The following PKD1L3 variants were observed in gnomAD, a reference collection of about 807,000 sequenced individuals.
PKD1L3 encodes polycystin-1-like protein 3.
A neutral mutation model predicts 184.1 loss-of-function variants in PKD1L3; 239 were observed. The observed-to-expected ratio is 1.30, with a 90% CI of 1.17 to 1.45. The LOEUF (loss-of-function observed/expected upper bound fraction) is 1.45, where lower values mean the gene tolerates loss of function less well. Ranked by LOEUF, PKD1L3 falls within the 40% of genes most tolerant of loss-of-function variation. The pLI is 0.00. For missense variants in PKD1L3, 2,660 were observed against 2,067.2 expected (o/e 1.29, Z -5.56); for synonymous variants, 996 against 778.8 (o/e 1.28, Z -4.64).
chr16:71,951,612 A>G lies in PKD1L3; in HGVS notation c.3142T>C (p.Leu1048=), dbSNP rs914489801. The G allele has an allele frequency of 1.5e-5, 23 of 1,551,864 alleles. No individual in the cohort carries two copies. The African/African-American group carries it at 3.0e-4, about 20-fold the overall frequency. The change falls in exon 19 of 30, where the codon TTG becomes CTG. Residue 1048 remains leucine (L), a synonymous_variant. Coordinates refer to ENST00000620267, the MANE Select transcript of PKD1L3 (RefSeq NM_181536.2). ...KLLSSLVSSH[L]EGQGCHQQGE... is the part of the protein sequence containing the mutation. The stretch of plus-strand genomic sequence containing the variant: ...TGCTGATGACAGCCTTGACCCTCCA[A>G]GTGAGATGATACGAGGCTGGATAAA...
chr16:71,969,492 A>G (rs1303073212), intron 13 of PKD1L3, among the ~76,000 whole-genome samples: 1 of 44,466 alleles, frequency 2.2e-5, no homozygotes, highest in Non-Finnish European at 4.4e-5. Context: ...TTTTTTTTTT[A>G]GTAGAGACAA....
rs1417631255 is a variant in PKD1L3 at position 71,973,533 on chromosome 16, AGTGCTTACT to A, written c.1760-25_1760-17del. On this transcript the variant is annotated splice_polypyrimidine_tract_variant and intron_variant, in intron 11 of 29. Coordinates refer to ENST00000620267, the MANE Select transcript of PKD1L3 (RefSeq NM_181536.2). ...TACTCCTCATCTTAGAACAAAGAAG[AGTGCTTACT>A]TGTATATCAAATGGAACAAAAACAC... The A allele has an allele frequency of 1.3e-5, 20 of 1,544,054 alleles. No homozygotes were observed. In the African/African-American group the frequency reaches 2.1e-4, roughly 16 times the overall value.
intron 15 of PKD1L3, 126 bp downstream of exon 15, chr16:71,967,011 T>C: frequency 9.0e-7 from 1 of 1,111,180 alleles, no homozygotes. Context: ...GCTTTGAAAC[T>C]GAAATCTAAT....
intron 23 of PKD1L3, 142 bp downstream of exon 23, chr16:71,943,888 A>G: frequency 9.8e-7 from 1 of 1,020,932 alleles, no homozygotes; most frequent in East Asian, 2.6e-5. Flanking sequence ...CACCTGCTTT[A>G]CTGGAATCCC....
intron 12 of PKD1L3, 40 bp downstream of exon 12, chr16:71,973,284 A>G: frequency 6.5e-7 from 1 of 1,537,968 alleles, no homozygotes. Context: ...AACAGTAGCT[A>G]TGGCAGAAGA....
At chr16:71,992,691 A>G (rs928124831) in intron 3 of PKD1L3, among the ~76,000 whole-genome samples, 3 of 152,218 alleles carry the variant, frequency 2.0e-5, no homozygotes, top group Non-Finnish European at 4.4e-5. Context: ...TTGCTAAGTG[A>G]TATTTAAAGG....
rs746574704 is a variant in PKD1L3 at position 71,952,885 on chromosome 16, C to T, written c.3009+9G>A. ...AATAAGATAAAATAAAATTTGATAC[C>T]AATCTTACCTCAACTACCATTGTGG... On this transcript the variant is annotated intron_variant, in intron 18 of 29. Coordinates refer to ENST00000620267, the MANE Select transcript of PKD1L3 (RefSeq NM_181536.2). The T allele has an allele frequency of 1.3e-6, 2 of 1,530,870 alleles. No homozygotes were observed. The highest frequency in any genetic ancestry group is 2.0e-4 in the Middle Eastern group (1 of 5,020). The allele number at this position is 1,530,870 out of a possible 1,614,324, so 94.8% of individuals were successfully genotyped here. A position where few individuals can be genotyped will look rare whatever the true frequency, so the allele number is the denominator to read the frequency against.
Position 71,949,894 on chromosome 16 carries a change from G to T in PKD1L3, c.3507C>A (p.Ala1169=), listed in dbSNP as rs567986592. 2.8e-5 allele frequency: 43 copies of T among 1,551,620 alleles called. No individual in the cohort carries two copies. In the East Asian group the frequency reaches 1.0e-3, roughly 37 times the overall value. The change falls in exon 21 of 30, where the codon GCC becomes GCA. Residue 1169 remains alanine (A), a synonymous_variant. Coordinates refer to ENST00000620267, the MANE Select transcript of PKD1L3 (RefSeq NM_181536.2). Reference sequence around the variant, plus strand: ...CCAAGCTATAAAGTGCTGTAAAAAAGGCTGAAGCCAGGCTAGTGAAACCTA... The same window carrying T: ...CCAAGCTATAAAGTGCTGTAAAAAATGCTGAAGCCAGGCTAGTGAAACCTA... ...LLLGFTSLAS[A]FFTALYSLEL...
chr16:71,985,344 A>G (rs1237123230), intron 5 of PKD1L3, among the ~76,000 whole-genome samples: 2 of 152,190 alleles, frequency 1.3e-5, no homozygotes, highest in Non-Finnish European at 2.9e-5. Context: ...GCATATAAAC[A>G]GGGCTCGTTT....
chr16:71,959,482 TATTA>T lies in PKD1L3; in HGVS notation c.2612+3719_2612+3722del, dbSNP rs776423265. On this transcript the variant is annotated intron_variant, in intron 16 of 29. Transcript: ENST00000620267. Reference sequence around the variant, plus strand: ...AAACTAGAATAAACAGAGAAATTGATATTAATTATTTAATTAACTGTGAAATATG... The same window carrying T: ...AAACTAGAATAAACAGAGAAATTGATATTATTTAATTAACTGTGAAATATG... 1.2e-4 allele frequency among the ~76,000 whole-genome samples: 19 copies of T among 152,110 alleles called. 1 individual carries two copies. Among genetic ancestry groups the T allele is most frequent in the Non-Finnish European group, 7.3e-5 (5 of 68,030 alleles).
chr16:71,986,107 A>G, intron 5 of PKD1L3, 114 bp downstream of exon 5: 3 of 1,358,102 alleles, frequency 2.2e-6, no homozygotes, highest in Non-Finnish European at 3.0e-6. Context: ...GGATTGGCAT[A>G]TACGCTGGTC....
intron 16 of PKD1L3, among the ~76,000 whole-genome samples, chr16:71,961,665 G>A (rs776751867): frequency 6.6e-6 from 1 of 152,034 alleles, no homozygotes; most frequent in African/African-American, 2.4e-5. Context: ...CTAACACAGA[G>A]GAGCTTACAG....
chr16:71,940,248 G>T (rs977153162), intron 24 of PKD1L3, among the ~76,000 whole-genome samples: 4 of 152,158 alleles, frequency 2.6e-5, no homozygotes, highest in Non-Finnish European at 4.4e-5. Context: ...CTGTATGAGA[G>T]AATCTGGACT....
chr16:71,960,945 A>T (rs1358419556), intron 16 of PKD1L3, among the ~76,000 whole-genome samples: 1 of 152,132 alleles, frequency 6.6e-6, no homozygotes, highest in East Asian at 1.9e-4. Context: ...GAGGGGAAAT[A>T]GTATTCGCTA....
intron 12 of PKD1L3, among the ~76,000 whole-genome samples, chr16:71,971,912 C>G (rs1403312841): frequency 6.6e-6 from 1 of 152,074 alleles, no homozygotes; most frequent in Non-Finnish European, 1.5e-5. Flanking sequence ...GAAACCCCAT[C>G]TCTACTAAAA....
At chr16:71,981,636 G>T (rs1412421741) in intron 7 of PKD1L3, among the ~76,000 whole-genome samples, 1 of 150,936 alleles carries the variant, frequency 6.6e-6, no homozygotes, top group Non-Finnish European at 1.5e-5. Flanking sequence ...TGCCTCCCAG[G>T]TTCAAGCGAT....
chr16:71,971,085 A>G (rs2039692290), intron 12 of PKD1L3, among the ~76,000 whole-genome samples: 1 of 152,170 alleles, frequency 6.6e-6, no homozygotes, highest in South Asian at 2.1e-4. Flanking sequence ...CTCAATAAAT[A>G]TTCGGTGAAA....
chr16:71,976,953 C>A (rs964172108), intron 11 of PKD1L3, among the ~76,000 whole-genome samples: 2 of 152,180 alleles, frequency 1.3e-5, no homozygotes, highest in Non-Finnish European at 2.9e-5. Flanking sequence ...CTGTGTTAGC[C>A]AGGATGGTCT....
chr16:71,976,280 T>TTTTTTTTTTTTA (rs1597350924), intron 11 of PKD1L3, among the ~76,000 whole-genome samples: 3 of 147,932 alleles, frequency 2.0e-5, no homozygotes, highest in African/African-American at 7.5e-5. Flanking sequence ...TTTTTTTTTT[T>TTTTTTTTTTTTA]AAGACAGTCT....
Sources: gnomAD v4.1 joint callset for allele counts (sites outside exome capture counted in the v4.1 genomes callset) on GRCh38, gnomAD v4.1.1 for gene constraint, MANE v1.5 for transcripts, NCBI Gene and HGNC (gene_info 2026-07-23, HGNC 2026-07-21) for gene names.